Variants in RIPK1 observed in about 807,000 individuals in gnomAD.
The protein encoded by RIPK1 is receptor-interacting serine/threonine-protein kinase 1.
A neutral mutation model predicts 62.4 loss-of-function variants in RIPK1; 27 were observed. The observed-to-expected ratio is 0.43, with a 90% CI of 0.32 to 0.60. The LOEUF is 0.60. Among genes scored for constraint, RIPK1 ranks in the 20% least tolerant of loss-of-function variants. The probability of loss-of-function intolerance (pLI) is 0.07; values close to 1 mark genes in which losing one functional copy is unlikely to be tolerated. For synonymous variants in RIPK1, 287 were observed against 303.2 expected (o/e 0.95, Z 0.55); for missense variants, 735 against 831.0 (o/e 0.88, Z 1.42).
intron 10 of RIPK1, among the ~76,000 whole-genome samples, chr6:3,112,028 TG>T (rs1443374383): frequency 2.6e-5 from 4 of 152,222 alleles, no homozygotes; most frequent in African/African-American, 7.2e-5. Context: ...TTGTTGTGGT[TG>T]TTGTACATTT....
intron 8 of RIPK1, 83 bp downstream of exon 8, chr6:3,104,398 C>A: frequency 1.4e-6 from 1 of 723,616 alleles, no homozygotes; most frequent in South Asian, 1.7e-5. Flanking sequence ...TATTCAGGAC[C>A]ATATGGGAAA....
chr6:3,111,900 T>C (rs1761178027), intron 10 of RIPK1, among the ~76,000 whole-genome samples: 1 of 152,090 alleles, frequency 6.6e-6, no homozygotes, highest in Admixed American at 6.5e-5. Flanking sequence ...AAGATATGGA[T>C]AGAGAGAGAG....
In RIPK1 at chr6:3,077,341, T is replaced by C. The variant is rs73353560; in HGVS notation, c.164+354T>C. Among the ~76,000 whole-genome samples the C allele has an allele frequency of 7.8e-3, 1,182 of 152,182 alleles. 9 individuals carry two copies. Among genetic ancestry groups the C allele is most frequent in the African/African-American group, 0.027 (1,112 of 41,526 alleles). On this transcript the variant is annotated intron_variant, in intron 2 of 10. Coordinates refer to ENST00000259808, the MANE Select transcript of RIPK1 (RefSeq NM_001354930.2). ...TTTCAGTGAGGACCAGCCCTAAGTATAAAAATGAAAAGGCAGTTCATTCCT... is the reference window on the plus strand; with the variant it reads ...TTTCAGTGAGGACCAGCCCTAAGTACAAAAATGAAAAGGCAGTTCATTCCT...
At chr6:3,102,281 A>G (rs1474096651) in intron 7 of RIPK1, among the ~76,000 whole-genome samples, 1 of 152,190 alleles carries the variant, frequency 6.6e-6, no homozygotes, top group African/African-American at 2.4e-5. Context: ...GCTTTCTGAT[A>G]GTTCAGTATC....
chr6:3,104,173 G>T, intron 7 of RIPK1, 52 bp from the exon 8 acceptor site: 1 of 749,184 alleles, frequency 1.3e-6, no homozygotes, highest in South Asian at 1.7e-5. Context: ...AATTTTCTGG[G>T]ACTCTATTTC....
chr6:3,074,222 G>A (rs764029863), intron 1 of RIPK1, among the ~76,000 whole-genome samples: 2 of 152,170 alleles, frequency 1.3e-5, no homozygotes, highest in Non-Finnish European at 2.9e-5. Flanking sequence ...CTCACAGGCG[G>A]CCAGTGTTCT....
At chr6:3,078,244 T>C (rs1329205249) in intron 3 of RIPK1, among the ~76,000 whole-genome samples, 1 of 152,202 alleles carries the variant, frequency 6.6e-6, no homozygotes, top group Non-Finnish European at 1.5e-5. Context: ...GGGTCACTTC[T>C]GTAATCTCAG....
chr6:3,083,913 G>T (rs1049039387), intron 5 of RIPK1, among the ~76,000 whole-genome samples: 6 of 152,050 alleles, frequency 3.9e-5, no homozygotes, highest in Non-Finnish European at 8.8e-5. Flanking sequence ...AACACATCCT[G>T]TCGACACTGT....
intron 7 of RIPK1, among the ~76,000 whole-genome samples, chr6:3,100,178 A>G (rs1294128573): frequency 1.3e-5 from 2 of 152,090 alleles, no homozygotes; most frequent in African/African-American, 2.4e-5. Context: ...TTCCAGCACT[A>G]TGGGAGGCGG....
At chr6:3,110,710 G>A (rs1002414555) in intron 9 of RIPK1, 93 bp from the exon 10 acceptor site, 1 of 747,886 alleles carries the variant, frequency 1.3e-6, no homozygotes, top group Non-Finnish European at 2.1e-6. Context: ...TTAACTTAAT[G>A]TTTGGCATAA....
chr6:3,085,916 A>C (rs747762836), intron 6 of RIPK1, among the ~76,000 whole-genome samples: 2 of 152,250 alleles, frequency 1.3e-5, no homozygotes, highest in African/African-American at 4.8e-5. Flanking sequence ...AGCATATGTC[A>C]GAATTTCTTT....
rs1310159000 is a variant in RIPK1, at chr6:3,105,454, CATTCTA to C, written c.1007-25_1007-20del. On this transcript the variant is annotated intron_variant, in intron 8 of 10. Transcript: ENST00000259808. The surrounding 1 kb of genome is among the most constrained non-coding windows in gnomAD (Gnocchi z 4.5). ...TTACTTTTTAATGTTTCATGACACC[CATTCTA>C]ATGTTGATCATTTCTTCTCAGCCAC... 6.8e-7 allele frequency: 1 copy of C among 1,460,414 alleles called. No homozygotes were observed. The highest frequency in any genetic ancestry group is 1.4e-5 in the South Asian group (1 of 72,406). 90.5% of individuals were successfully genotyped at this position (1,460,414 alleles called of 1,614,324 possible).
chr6:3,085,187 G>T, intron 5 of RIPK1, 72 bp from the exon 6 acceptor site: 3 of 1,550,916 alleles, frequency 1.9e-6, no homozygotes, highest in Non-Finnish European at 2.7e-6. Flanking sequence ...AAAATGAGCA[G>T]TATTGTTCAA....
chr6:3,090,843 A>G (rs12110720), intron 7 of RIPK1, among the ~76,000 whole-genome samples: 28 of 110,130 alleles, frequency 2.5e-4, no homozygotes, highest in African/African-American at 1.9e-3. Flanking sequence ...TGCCGCACCT[A>G]GTAACCGCAG....
chr6:3,104,685 C>T (rs1760747575), intron 8 of RIPK1, among the ~76,000 whole-genome samples: 1 of 152,124 alleles, frequency 6.6e-6, no homozygotes. Context: ...ACTTTTTTCA[C>T]TGTAACAAAA....
intron 6 of RIPK1, among the ~76,000 whole-genome samples, chr6:3,086,903 C>T (rs1725289441): frequency 6.6e-6 from 1 of 152,166 alleles, no homozygotes; most frequent in African/African-American, 2.4e-5. Flanking sequence ...GGTTGCTAGC[C>T]CCCATTCTGA....
chr6:3,077,757 A>T (rs757347978), intron 2 of RIPK1, 22 bp from the exon 3 acceptor site: 1 of 1,613,494 alleles, frequency 6.2e-7, no homozygotes, highest in Admixed American at 1.7e-5. Context: ...CAGCCTCAGC[A>T]TAGCACCTTT....
intron 9 of RIPK1, among the ~76,000 whole-genome samples, chr6:3,106,977 G>A (rs933764747): frequency 3.3e-5 from 5 of 152,198 alleles, no homozygotes; most frequent in Non-Finnish European, 7.3e-5. Context: ...TTGGCCAGGT[G>A]TGGTGGCTTA....
intron 1 of RIPK1, 173 bp downstream of exon 1, chr6:3,068,834 A>C (rs1364430600): frequency 1.2e-5 from 3 of 240,100 alleles, no homozygotes; most frequent in Non-Finnish European, 2.0e-5. Flanking sequence ...CCGGGCCTCC[A>C]GACGTTTGCC....
Sources: gnomAD v4.1 joint callset for allele counts (sites outside exome capture counted in the v4.1 genomes callset) on GRCh38, gnomAD v4.1.1 for gene constraint, Gnocchi (gnomAD v3.1) non-coding constraint, MANE v1.5 for transcripts, NCBI Gene and HGNC (gene_info 2026-07-23, HGNC 2026-07-21) for gene names.